The following DNAH11 variants were observed in gnomAD, a reference collection of about 807,000 sequenced individuals.
DNAH11 encodes the protein dynein axonemal heavy chain 11, also known as axonemal beta dynein heavy chain 11.
A neutral mutation model predicts 526.0 loss-of-function variants in DNAH11; 442 were observed. That is an observed-to-expected ratio of 0.84 (90% CI 0.78 to 0.91). The LOEUF is 0.91. Among genes scored for constraint, DNAH11 ranks in the 40% least tolerant of loss-of-function variants. The pLI, the probability that DNAH11 is intolerant of heterozygous loss-of-function variation, is 0.00. For synonymous variants in DNAH11, 2,461 were observed against 1,935.9 expected, an observed-to-expected ratio of 1.27 and a Z score of -7.12; for missense variants, 6,989 against 5,448.7, an observed-to-expected ratio of 1.28 and a Z score of -8.90.
At chr7:21,717,689 G>C (rs1784718046) in intron 42 of DNAH11, 86 bp from the exon 43 acceptor site, 2 of 1,508,514 alleles carry the variant, frequency 1.3e-6, no homozygotes, top group African/African-American at 1.4e-5. Flanking sequence ...GCACCAAGCT[G>C]TGTCAAAGGA....
Position 21,800,426 on chromosome 7 carries a change from G to A in DNAH11, c.10027-711G>A, listed in dbSNP as rs935804505. Among the ~76,000 whole-genome samples, 5 of 152,172 alleles carry A rather than the reference G, an allele frequency of 3.3e-5. No homozygotes were observed. In the South Asian group the frequency reaches 8.3e-4, roughly 25 times the overall value. On this transcript the variant is annotated intron_variant, in intron 61 of 81. Transcript: ENST00000409508. Reference sequence around the variant, plus strand: ...GTGGGTGGATCACTTGAGACCAGGAGTTCAAGACCAGCCCGGCCAACATGG... The same window carrying A: ...GTGGGTGGATCACTTGAGACCAGGAATTCAAGACCAGCCCGGCCAACATGG...
In DNAH11 at chr7:21,606,528, T is replaced by G. The variant is rs765674180; in HGVS notation, c.3751T>G (p.Cys1251Gly). The change falls in exon 19 of 82, where the codon TGT becomes GGT. Residue 1251 changes from cysteine to glycine, a missense_variant. Physicochemically the swap from Cys to Gly is radical, Grantham distance 159. Coordinates refer to ENST00000409508, the MANE Select transcript of DNAH11 (RefSeq NM_001277115.2). Reference protein sequence around the residue: ...NAEVTLIRKKCILFDAKQAEF... With the variant: ...NAEVTLIRKKGILFDAKQAEF... ...GGAAGTCACTCTTATAAGGAAAAAA[T>G]GTATTTTGTTTGACGTAAGCTAGTT... The G allele has an allele frequency of 3.5e-5, 57 of 1,609,578 alleles. No individual in the cohort carries two copies. The highest frequency in any genetic ancestry group is 4.0e-5 in the Non-Finnish European group (47 of 1,178,752).
intron 59 of DNAH11, 94 bp from the exon 60 acceptor site, chr7:21,787,306 TA>T: frequency 7.7e-7 from 1 of 1,298,896 alleles, no homozygotes; most frequent in Non-Finnish European, 1.0e-6. Flanking sequence ...TTTGCTTTTG[TA>T]ATGTGAGTCC....
intron 65 of DNAH11, among the ~76,000 whole-genome samples, chr7:21,832,998 A>G (rs1453958460): frequency 6.6e-6 from 1 of 152,230 alleles, no homozygotes; most frequent in Non-Finnish European, 1.5e-5. Context: ...GTGAATACAC[A>G]CACATAAACA....
chr7:21,812,630 G>A (rs10245993), intron 63 of DNAH11, among the ~76,000 whole-genome samples: 62,379 of 151,836 alleles, frequency 0.41, 13,732 homozygotes, highest in East Asian at 0.82. Flanking sequence ...CTCCAGGCTG[G>A]GTGACAGAGT....
intron 65 of DNAH11, among the ~76,000 whole-genome samples, chr7:21,824,812 C>G (rs983221667): frequency 6.6e-6 from 1 of 152,176 alleles, no homozygotes; most frequent in African/African-American, 2.4e-5. Flanking sequence ...TTCCCTCAAT[C>G]ATATGTTTCT....
chr7:21,825,227 T>C (rs1175741118), intron 65 of DNAH11, among the ~76,000 whole-genome samples: 2 of 152,160 alleles, frequency 1.3e-5, no homozygotes, highest in African/African-American at 4.8e-5. Flanking sequence ...TTAGCGTTCT[T>C]ATTGAAGGCC....
In DNAH11 at chr7:21,880,685, C is replaced by T. The variant is rs780481997; in HGVS notation, c.12196-17C>T. ...CATACAGATGGATAATCAAGCATTT[C>T]TTCTCTTTTTTCCCAGGATACACTT... On this transcript the variant is annotated splice_polypyrimidine_tract_variant and intron_variant, in intron 74 of 81. Coordinates refer to ENST00000409508, the MANE Select transcript of DNAH11 (RefSeq NM_001277115.2). 1.9e-6 allele frequency: 3 copies of T among 1,612,958 alleles called. No homozygotes were observed. The Admixed American group carries it at 5.0e-5, about 27-fold the overall frequency.
At chr7:21,691,797 C>G (rs887701231) in intron 35 of DNAH11, among the ~76,000 whole-genome samples, 3 of 152,108 alleles carry the variant, frequency 2.0e-5, no homozygotes, top group Non-Finnish European at 4.4e-5. Context: ...TCATAAATTT[C>G]TTAACCATTC....
chr7:21,842,493 C>A, intron 65 of DNAH11, 51 bp from the exon 66 acceptor site: 2 of 1,438,204 alleles, frequency 1.4e-6, no homozygotes, highest in African/African-American at 1.4e-5. Flanking sequence ...ACCGTAGTAT[C>A]AGTTATGGGT....
chr7:21,861,788 A>G, intron 68 of DNAH11, 65 bp from the exon 69 acceptor site: 4 of 1,587,754 alleles, frequency 2.5e-6, no homozygotes, highest in South Asian at 1.1e-5. Context: ...TGCCCTGTGT[A>G]TCGGGGGTAG....
intron 65 of DNAH11, among the ~76,000 whole-genome samples, chr7:21,832,070 A>G (rs1781806655): frequency 6.6e-6 from 1 of 151,278 alleles, no homozygotes; most frequent in East Asian, 1.9e-4. Flanking sequence ...AGCCTGGGTG[A>G]CAGAGTGAGA....
chr7:21,879,223 G>A (rs1310011583), intron 74 of DNAH11, among the ~76,000 whole-genome samples: 1 of 151,950 alleles, frequency 6.6e-6, no homozygotes, highest in Non-Finnish European at 1.5e-5. Context: ...AGAGGCCGAG[G>A]TGGGTGGATC....
Position 21,614,757 on chromosome 7 carries a change from C to T in DNAH11, c.3853-357C>T, listed in dbSNP as rs116539744. Among the ~76,000 whole-genome samples the T allele has an allele frequency of 3.3e-3, 495 of 152,188 alleles. 3 individuals carry two copies. The East Asian group carries it at 0.035, about 11-fold the overall frequency. On this transcript the variant is annotated intron_variant, in intron 20 of 81. Coordinates refer to ENST00000409508, the MANE Select transcript of DNAH11 (RefSeq NM_001277115.2). ...TTACTTAAAATATAATTCATTCTTA[C>T]ATGGAAGTTTCTAGAGCCCCACCTT...
intron 57 of DNAH11, among the ~76,000 whole-genome samples, chr7:21,781,417 A>T (rs1340590922): frequency 6.6e-6 from 1 of 152,234 alleles, no homozygotes; most frequent in African/African-American, 2.4e-5. Context: ...TCACACAAGC[A>T]TCATCAAGCC....
At chr7:21,743,938 A>G (rs775970198) in intron 49 of DNAH11, among the ~76,000 whole-genome samples, 1 of 152,150 alleles carries the variant, frequency 6.6e-6, no homozygotes, top group Non-Finnish European at 1.5e-5. Context: ...AAGATACTGA[A>G]AGCACCATGA....
At position 21,690,857 on chromosome 7, in the gene DNAH11, C is replaced by T. The variant is rs117803903; in HGVS notation, c.6017C>T (p.Pro2006Leu). The change falls in exon 35 of 82, where the codon CCG becomes CTG. Residue 2006 changes from proline (P) to leucine (L), a missense_variant. Coordinates refer to ENST00000409508, the MANE Select transcript of DNAH11 (RefSeq NM_001277115.2). ...GGTTATGCTGGTCGAACCGAATTACCGGAAAATCTCAAAGCTCTTTTCAGG... is the reference window on the plus strand; with the variant it reads ...GGTTATGCTGGTCGAACCGAATTACTGGAAAATCTCAAAGCTCTTTTCAGG... ...NPGYAGRTEL[P>L]ENLKALFRPC... 338 of 1,612,146 alleles carry T rather than the reference C, an allele frequency of 2.1e-4. No individual in the cohort carries two copies. Among genetic ancestry groups the T allele is most frequent in the Non-Finnish European group, 2.6e-4 (309 of 1,179,154 alleles).
intron 30 of DNAH11, among the ~76,000 whole-genome samples, chr7:21,664,598 A>G (rs930272700): frequency 2.6e-5 from 4 of 152,012 alleles, no homozygotes; most frequent in Admixed American, 2.0e-4. Context: ...AGCTAGGACC[A>G]CAGGTGCATA....
intron 20 of DNAH11, among the ~76,000 whole-genome samples, chr7:21,607,539 A>G (rs1785341586): frequency 6.6e-6 from 1 of 152,208 alleles, no homozygotes; most frequent in African/African-American, 2.4e-5. Flanking sequence ...TCCTTACTAT[A>G]TGTCAAGAAT....
Sources: allele counts gnomAD v4.1 joint callset (sites outside exome capture counted in the v4.1 genomes callset), GRCh38; gene constraint gnomAD v4.1.1; transcripts MANE v1.5; gene names NCBI Gene and HGNC (gene_info 2026-07-23, HGNC 2026-07-21).